CDH13: variants seen among roughly 807,000 people sequenced by gnomAD.
The protein encoded by CDH13 is cadherin 13.
CDH13 carries 24 observed loss-of-function variants against 63.8 expected under a neutral mutation model. The observed-to-expected ratio is 0.38, with a 90% CI of 0.27 to 0.53. The LOEUF is 0.53. Among genes scored for constraint, CDH13 ranks in the 20% least tolerant of loss-of-function variants. The pLI is 0.85. For synonymous variants in CDH13, 503 were observed against 355.3 expected, an observed-to-expected ratio of 1.42 and a Z score of -4.67; for missense variants, 1,049 against 903.1, an observed-to-expected ratio of 1.16 and a Z score of -2.07.
intron 6 of CDH13, among the ~76,000 whole-genome samples, chr16:83,420,253 T>C (rs761145840): frequency 8.5e-5 from 13 of 152,148 alleles, no homozygotes; most frequent in Non-Finnish European, 1.8e-4. Flanking sequence ...AAAATATGAC[T>C]GAGGTAGTCA....
intron 10 of CDH13, among the ~76,000 whole-genome samples, chr16:83,720,334 CAT>C (rs2150935210): frequency 6.6e-6 from 1 of 152,294 alleles, no homozygotes; most frequent in African/African-American, 2.4e-5. Flanking sequence ...CACATTCACA[CAT>C]GTGCACTCAC....
chr16:83,355,207 G>C (rs2091029421), intron 6 of CDH13, among the ~76,000 whole-genome samples: 1 of 152,206 alleles, frequency 6.6e-6, no homozygotes, highest in South Asian at 2.1e-4. Context: ...CTACGGAGAT[G>C]GAGAGAAGAG....
chr16:82,791,852 G>T (rs1028136049), intron 1 of CDH13, among the ~76,000 whole-genome samples: 1 of 152,164 alleles, frequency 6.6e-6, no homozygotes, highest in African/African-American at 2.4e-5. Context: ...CACTGCATGT[G>T]CCAAGGTTCC....
At chr16:83,226,530 C>A (rs890905148) in intron 5 of CDH13, among the ~76,000 whole-genome samples, 3 of 152,226 alleles carry the variant, frequency 2.0e-5, no homozygotes, top group African/African-American at 7.2e-5. Context: ...ACTTAGCACA[C>A]ATCCATGGAA....
At chr16:83,050,390 A>T (rs1169286483) in intron 3 of CDH13, among the ~76,000 whole-genome samples, 2 of 152,128 alleles carry the variant, frequency 1.3e-5, no homozygotes, top group Non-Finnish European at 2.9e-5. Flanking sequence ...ACAGCAGCTG[A>T]ACCACTTTAA....
chr16:83,450,048 G>T (rs529964166), intron 6 of CDH13, among the ~76,000 whole-genome samples: 1 of 152,226 alleles, frequency 6.6e-6, no homozygotes, highest in African/African-American at 2.4e-5. Context: ...CACTGGGGTT[G>T]CAGAGTTCAA....
chr16:83,183,438 C>G (rs1040825898), intron 4 of CDH13, among the ~76,000 whole-genome samples: 1 of 152,150 alleles, frequency 6.6e-6, no homozygotes, highest in African/African-American at 2.4e-5. Flanking sequence ...TGAGGAAGAT[C>G]TATAATTAAA....
chr16:82,916,051 T>C (rs1376856540), intron 2 of CDH13, among the ~76,000 whole-genome samples: 1 of 152,150 alleles, frequency 6.6e-6, no homozygotes, highest in East Asian at 1.9e-4. Context: ...ATATCAGATG[T>C]TTCCATAAAG....
intron 4 of CDH13, 69 bp downstream of exon 4, chr16:83,125,570 T>G: frequency 1.2e-6 from 1 of 814,014 alleles, no homozygotes; most frequent in Non-Finnish European, 2.1e-6. Context: ...AGACTGAGTA[T>G]GACTGTCTTG....
At chr16:83,104,733 C>T (rs1427694776) in intron 3 of CDH13, among the ~76,000 whole-genome samples, 1 of 152,090 alleles carries the variant, frequency 6.6e-6, no homozygotes. Flanking sequence ...ATTGGTTGAA[C>T]AAAGGGGGCA....
chr16:83,660,474 A>T (rs540552618), intron 8 of CDH13, among the ~76,000 whole-genome samples: 9 of 152,262 alleles, frequency 5.9e-5, no homozygotes, highest in African/African-American at 1.9e-4. Flanking sequence ...AGGTGGTAAT[A>T]TGAGCAATGG....
intron 2 of CDH13, among the ~76,000 whole-genome samples, chr16:82,977,768 T>G (rs1597343341): frequency 6.6e-6 from 1 of 152,218 alleles, no homozygotes; most frequent in African/African-American, 2.4e-5. Context: ...TGGAAGTGAC[T>G]TTGGAACTGG....
At chr16:83,529,302 CT>C (rs1598228455) in intron 7 of CDH13, among the ~76,000 whole-genome samples, 1 of 151,972 alleles carries the variant, frequency 6.6e-6, no homozygotes, top group East Asian at 1.9e-4. Flanking sequence ...TATTAACAGG[CT>C]TTGTCTTTTG....
intron 2 of CDH13, among the ~76,000 whole-genome samples, chr16:82,924,308 C>T (rs1555543139): frequency 6.6e-6 from 1 of 152,090 alleles, no homozygotes; most frequent in Non-Finnish European, 1.5e-5. Flanking sequence ...ATATAAAAGC[C>T]TTTCCCCAAC....
rs1482343144 is a variant in CDH13 at position 83,796,137 on chromosome 16, A to G, written c.*1107A>G. On this transcript the variant is annotated 3_prime_UTR_variant, in exon 14 of 14. Transcript: ENST00000567109. ...AACCCGAAAATAAAAGACGTTCATT[A>G]TGTATGAAAAGTAACTGATTTGTAT... 2.0e-5 allele frequency: 3 copies of G among 152,654 alleles called. No individual in the cohort carries two copies. The highest frequency in any genetic ancestry group is 4.4e-5 in the Non-Finnish European group (3 of 68,042). The allele number at this position is 152,654 out of a possible 1,614,324, so 9.5% of individuals were successfully genotyped here. A position where few individuals can be genotyped will look rare whatever the true frequency, so the allele number is the denominator to read the frequency against.
intron 2 of CDH13, among the ~76,000 whole-genome samples, chr16:82,889,300 ATCTCTCTC>A (rs59500269): frequency 1.4e-4 from 21 of 149,804 alleles, no homozygotes; most frequent in Non-Finnish European, 2.4e-4. Context: ...TCTCTCTATT[ATCTCTCTC>A]TCTCTCTCTC....
At chr16:82,832,888 C>T (rs1274550137) in intron 1 of CDH13, among the ~76,000 whole-genome samples, 1 of 152,210 alleles carries the variant, frequency 6.6e-6, no homozygotes, top group African/African-American at 2.4e-5. Flanking sequence ...CAGATGACAG[C>T]TTCCATTATT....
intron 5 of CDH13, among the ~76,000 whole-genome samples, chr16:83,299,184 T>C (rs998446219): frequency 1.3e-5 from 2 of 152,182 alleles, no homozygotes; most frequent in Non-Finnish European, 1.5e-5. Context: ...CTGAATCATG[T>C]ATATTTTCAT....
At chr16:83,442,606 T>C (rs1316824952) in intron 6 of CDH13, among the ~76,000 whole-genome samples, 1 of 152,226 alleles carries the variant, frequency 6.6e-6, no homozygotes, top group Non-Finnish European at 1.5e-5. Context: ...AGCCTTTCTA[T>C]GACAAGAAGC....
Sources: allele counts gnomAD v4.1 joint callset (sites outside exome capture counted in the v4.1 genomes callset), GRCh38; gene constraint gnomAD v4.1.1; transcripts MANE v1.5; gene names NCBI Gene and HGNC (gene_info 2026-07-23, HGNC 2026-07-21).